Variants in KAZN observed in about 807,000 individuals in gnomAD.
KAZN encodes kazrin, periplakin interacting protein, also known as kazrin.
KAZN carries 40 observed loss-of-function variants against 87.4 expected under a neutral mutation model. That is an observed-to-expected ratio of 0.46 (90% CI 0.36 to 0.60). KAZN has a LOEUF of 0.60. KAZN is among the 20% of genes least tolerant of loss of function. The probability of loss-of-function intolerance (pLI) is 0.00; values close to 1 mark genes in which losing one functional copy is unlikely to be tolerated. For synonymous variants in KAZN, 466 were observed against 458.3 expected (o/e 1.02, Z -0.22); for missense variants, 898 against 1,073.9 (o/e 0.84, Z 2.29).
intron 2 of KAZN, among the ~76,000 whole-genome samples, chr1:14,270,785 C>T (rs915780855): frequency 6.6e-6 from 1 of 152,030 alleles, no homozygotes; most frequent in African/African-American, 2.4e-5. Context: ...CCTCTTTTTT[C>T]TGGACCTCAT....
At chr1:14,965,438 C>A (rs963253231) in intron 2 of KAZN, among the ~76,000 whole-genome samples, 1 of 152,228 alleles carries the variant, frequency 6.6e-6, no homozygotes, top group African/African-American at 2.4e-5. Flanking sequence ...TCCTCAATTT[C>A]ATGATTTCTC....
intron 8 of KAZN, among the ~76,000 whole-genome samples, chr1:15,092,073 ATTTTTTT>A (rs58871336): frequency 1.3e-5 from 1 of 75,486 alleles, no homozygotes; most frequent in Admixed American, 1.4e-4. Context: ...TTTTTTTTTG[ATTTTTTT>A]TTTTTTTTTT....
chr1:14,849,421 A>G (rs61772356), intron 1 of KAZN, among the ~76,000 whole-genome samples: 8,844 of 152,266 alleles, frequency 0.058, 345 homozygotes, highest in Admixed American at 0.11. Context: ...CGGGCTCTGC[A>G]CTGAGCACAT....
At chr1:14,017,044 C>T (rs974297912) in intron 1 of KAZN, among the ~76,000 whole-genome samples, 5 of 152,282 alleles carry the variant, frequency 3.3e-5, no homozygotes, top group Non-Finnish European at 5.9e-5. Flanking sequence ...GAGTTGGCAG[C>T]GATTCTGGTC....
chr1:14,354,309 G>T (rs958185543), intron 2 of KAZN, among the ~76,000 whole-genome samples: 2 of 152,068 alleles, frequency 1.3e-5, no homozygotes, highest in Non-Finnish European at 2.9e-5. Context: ...ATGAAAAAAA[G>T]AAATGGACAA....
intron 2 of KAZN, among the ~76,000 whole-genome samples, chr1:14,267,132 CA>C (rs1033597321): frequency 6.8e-6 from 1 of 146,444 alleles, no homozygotes; most frequent in African/African-American, 2.5e-5. Context: ...AATGAAACAA[CA>C]TTGAGGATCT....
intron 1 of KAZN, among the ~76,000 whole-genome samples, chr1:14,057,684 T>C (rs148185363): frequency 1.8e-3 from 276 of 152,302 alleles, no homozygotes; most frequent in African/African-American, 6.5e-3. Flanking sequence ...AAGGCCCCGA[T>C]AGGAGAGCAC....
chr1:14,660,786 G>T (rs941060084), intron 1 of KAZN, among the ~76,000 whole-genome samples: 1 of 152,070 alleles, frequency 6.6e-6, no homozygotes, highest in Non-Finnish European at 1.5e-5. Context: ...GATTGCTGCT[G>T]AAATCGTGGC....
chr1:14,902,006 G>A (rs1325846554), intron 1 of KAZN, among the ~76,000 whole-genome samples: 1 of 152,208 alleles, frequency 6.6e-6, no homozygotes, highest in Non-Finnish European at 1.5e-5. Context: ...AACTTATGCA[G>A]ATGTGTATGC....
At chr1:13,911,180 C>A (rs889118625) in intron 1 of KAZN, among the ~76,000 whole-genome samples, 1 of 152,318 alleles carries the variant, frequency 6.6e-6, no homozygotes, top group East Asian at 1.9e-4. Context: ...TCCCAAGCAA[C>A]TGGAGTTACA....
chr1:15,071,056 C>A (rs1378576688), intron 8 of KAZN, among the ~76,000 whole-genome samples: 1 of 152,094 alleles, frequency 6.6e-6, no homozygotes, highest in Non-Finnish European at 1.5e-5. Context: ...TCAGCTTATT[C>A]TTTATAAAAG....
chr1:14,449,903 G>GA (rs1487547293), intron 2 of KAZN, among the ~76,000 whole-genome samples: 2 of 152,108 alleles, frequency 1.3e-5, no homozygotes, highest in African/African-American at 2.4e-5. Flanking sequence ...CTAAGTTTGA[G>GA]AAAAATGAGG....
Position 15,114,733 on chromosome 1 carries a change from G to A in KAZN, c.*98G>A, listed in dbSNP as rs1641782433. 2 of 1,229,312 alleles carry A rather than the reference G, an allele frequency of 1.6e-6. No individual in the cohort carries two copies. The highest frequency in any genetic ancestry group is 3.0e-5 in the African/African-American group (2 of 65,666). The allele number at this position is 1,229,312 out of a possible 1,614,324, so 76.2% of individuals were successfully genotyped here. Reference sequence around the variant, plus strand: ...GTTCTCACTGTACATAGCGGCCGCAGGCTGAGGATGTCCCTTGCTCCTGGG... The same window carrying A: ...GTTCTCACTGTACATAGCGGCCGCAAGCTGAGGATGTCCCTTGCTCCTGGG... On this transcript the variant is annotated 3_prime_UTR_variant, in exon 15 of 15. Coordinates refer to ENST00000376030, the MANE Select transcript of KAZN (RefSeq NM_201628.3).
chr1:14,519,377 A>T (rs1402856009), intron 2 of KAZN, among the ~76,000 whole-genome samples: 2 of 152,196 alleles, frequency 1.3e-5, no homozygotes, highest in African/African-American at 2.4e-5. Flanking sequence ...GCAGAAGAGA[A>T]GAGGCAAAGA....
chr1:14,420,606 G>T (rs1278827861), intron 2 of KAZN, among the ~76,000 whole-genome samples: 1 of 152,226 alleles, frequency 6.6e-6, no homozygotes, highest in East Asian at 1.9e-4. Flanking sequence ...CAGGAGTGGG[G>T]AGGCTCAGGC....
intron 8 of KAZN, among the ~76,000 whole-genome samples, chr1:15,071,574 C>A (rs921512943): frequency 6.6e-6 from 1 of 152,190 alleles, no homozygotes; most frequent in African/African-American, 2.4e-5. Flanking sequence ...ATATTTCATA[C>A]CTGAACCACA....
intron 1 of KAZN, among the ~76,000 whole-genome samples, chr1:14,952,914 T>C (rs2101719057): frequency 6.6e-6 from 1 of 152,284 alleles, no homozygotes; most frequent in Non-Finnish European, 1.5e-5. Flanking sequence ...TTGTTTAATG[T>C]TTACCGCAGG....
At chr1:14,930,323 T>G (rs2101569226) in intron 1 of KAZN, among the ~76,000 whole-genome samples, 1 of 152,330 alleles carries the variant, frequency 6.6e-6, no homozygotes, top group Non-Finnish European at 1.5e-5. Context: ...GTTCACTACC[T>G]TTTAATTGTA....
chr1:14,600,724 C>T (rs1257946564), intron 1 of KAZN, among the ~76,000 whole-genome samples: 2 of 149,916 alleles, frequency 1.3e-5, no homozygotes, highest in Non-Finnish European at 1.5e-5. Context: ...TTTTTATAGG[C>T]AGAGGCTCTG....
Sources: gnomAD v4.1 joint callset for allele counts (sites outside exome capture counted in the v4.1 genomes callset) on GRCh38, gnomAD v4.1.1 for gene constraint, MANE v1.5 for transcripts, NCBI Gene and HGNC (gene_info 2026-07-23, HGNC 2026-07-21) for gene names.